Variants in PDZRN3 observed in about 807,000 individuals in gnomAD.
PDZRN3 encodes PDZ domain containing ring finger 3, also known as E3 ubiquitin-protein ligase PDZRN3.
PDZRN3 carries 38 observed loss-of-function variants against 85.7 expected under a neutral mutation model. The ratio of observed to expected loss-of-function variants is 0.44; its 90% confidence interval spans 0.34 to 0.58. PDZRN3 has a LOEUF of 0.58. PDZRN3 is among the 20% of genes least tolerant of loss of function. The pLI is 0.01. For synonymous variants in PDZRN3, 759 were observed against 638.0 expected, an observed-to-expected ratio of 1.19 and a Z score of -2.86; for missense variants, 1,629 against 1,506.4, an observed-to-expected ratio of 1.08 and a Z score of -1.35.
rs1701492768 is a variant in PDZRN3 at position 73,390,210 on chromosome 3, ACCCTT to A, written c.1354-337_1354-333del. Among the ~76,000 whole-genome samples the A allele has an allele frequency of 2.0e-5, 3 of 152,296 alleles. No individual in the cohort carries two copies. In the Middle Eastern group the frequency reaches 0.01, roughly 518 times the overall value. ...AATGATGTAGAACAGGTTAAAGGAT[ACCCTT>A]CATTATGTGGACTAGCAACTATACC... On this transcript the variant is annotated intron_variant, in intron 6 of 9. Coordinates refer to ENST00000263666, the MANE Select transcript of PDZRN3 (RefSeq NM_015009.3).
At chr3:73,497,286 G>A (rs1474623043) in intron 3 of PDZRN3, among the ~76,000 whole-genome samples, 1 of 152,040 alleles carries the variant, frequency 6.6e-6, no homozygotes, top group Non-Finnish European at 1.5e-5. Flanking sequence ...AGGTAAATGT[G>A]GAAACAGCTT....
At chr3:73,559,756 G>A (rs1484168320) in intron 3 of PDZRN3, among the ~76,000 whole-genome samples, 2 of 152,238 alleles carry the variant, frequency 1.3e-5, no homozygotes, top group African/African-American at 4.8e-5. Flanking sequence ...TAGAAGGATG[G>A]ATGGTGGTGT....
chr3:73,529,832 T>A (rs76853446), intron 3 of PDZRN3, among the ~76,000 whole-genome samples: 6,410 of 152,302 alleles, frequency 0.042, 446 homozygotes, highest in African/African-American at 0.15. Flanking sequence ...CATTAAATGC[T>A]CTATATTAGG....
chr3:73,546,088 G>C (rs6803267), intron 3 of PDZRN3, among the ~76,000 whole-genome samples: 117,941 of 152,038 alleles, frequency 0.78, 46,123 homozygotes, highest in African/African-American at 0.89. Flanking sequence ...TACTGTGTCC[G>C]CAGTATACAG....
At chr3:73,516,035 C>G (rs1044680450) in intron 3 of PDZRN3, among the ~76,000 whole-genome samples, 1 of 152,058 alleles carries the variant, frequency 6.6e-6, no homozygotes, top group African/African-American at 2.4e-5. Flanking sequence ...TCTAACTGAG[C>G]GTTTGGAGCT....
intron 3 of PDZRN3, among the ~76,000 whole-genome samples, chr3:73,539,142 C>A (rs904760775): frequency 2.0e-5 from 3 of 152,176 alleles, no homozygotes; most frequent in African/African-American, 7.2e-5. Flanking sequence ...TACCACCTCT[C>A]TACAAATATA....
chr3:73,586,452 A>G (rs145251156), intron 3 of PDZRN3, among the ~76,000 whole-genome samples: 1,668 of 152,344 alleles, frequency 0.011, 13 homozygotes, highest in Middle Eastern at 0.037. Context: ...GTCAGGCAAC[A>G]CACATTTACT....
At chr3:73,494,156 C>T (rs560512045) in intron 3 of PDZRN3, among the ~76,000 whole-genome samples, 8 of 152,272 alleles carry the variant, frequency 5.3e-5, no homozygotes, top group African/African-American at 1.9e-4. Flanking sequence ...AGAGTCCTGC[C>T]CGATAGAATC....
intron 3 of PDZRN3, among the ~76,000 whole-genome samples, chr3:73,497,412 ATTT>A (rs10575268): frequency 0.27 from 40,570 of 151,982 alleles, 7,606 homozygotes; most frequent in African/African-American, 0.54. Flanking sequence ...CTTTAAAAAA[ATTT>A]TTTTAACTTT....
chr3:73,619,173 C>A (rs1702813254), intron 1 of PDZRN3, among the ~76,000 whole-genome samples: 1 of 152,126 alleles, frequency 6.6e-6, no homozygotes, highest in African/African-American at 2.4e-5. Flanking sequence ...GAAACTCATT[C>A]TTTTTAAACA....
chr3:73,607,496 C>G (rs1702619092), intron 2 of PDZRN3, among the ~76,000 whole-genome samples: 1 of 152,158 alleles, frequency 6.6e-6, no homozygotes, highest in Non-Finnish European at 1.5e-5. Context: ...GCTATGCTCT[C>G]CCAACTCATC....
At chr3:73,485,216 A>C (rs1703641372) in intron 3 of PDZRN3, among the ~76,000 whole-genome samples, 1 of 151,908 alleles carries the variant, frequency 6.6e-6, no homozygotes, top group Non-Finnish European at 1.5e-5. Context: ...CATGATAGAC[A>C]CACATAGCCC....
intron 5 of PDZRN3, among the ~76,000 whole-genome samples, chr3:73,399,045 T>C (rs1302579282): frequency 6.6e-6 from 1 of 152,144 alleles, no homozygotes; most frequent in African/African-American, 2.4e-5. Context: ...TGAAACCATA[T>C]GCAAGCTCTC....
At chr3:73,431,479 T>C (rs1247146181) in intron 3 of PDZRN3, among the ~76,000 whole-genome samples, 2 of 152,182 alleles carry the variant, frequency 1.3e-5, no homozygotes, top group Non-Finnish European at 2.9e-5. Context: ...CACCGGACCT[T>C]CTGGAACTGT....
At chr3:73,490,700 T>C (rs1330833077) in intron 3 of PDZRN3, among the ~76,000 whole-genome samples, 1 of 152,216 alleles carries the variant, frequency 6.6e-6, no homozygotes, top group South Asian at 2.1e-4. Flanking sequence ...TATTCAGTCA[T>C]AGTCACATAA....
chr3:73,554,601 C>T (rs1376735113), intron 3 of PDZRN3, among the ~76,000 whole-genome samples: 1 of 152,158 alleles, frequency 6.6e-6, no homozygotes, highest in African/African-American at 2.4e-5. Flanking sequence ...GACTGTCACA[C>T]TGCAGTTTTC....
At position 73,388,012 on chromosome 3, in the gene PDZRN3, C is replaced by A; in HGVS notation, c.1474G>T (p.Glu492Ter). The A allele has an allele frequency of 6.6e-7, 1 of 1,521,324 alleles. No individual in the cohort carries two copies. Among genetic ancestry groups the A allele is most frequent in the Non-Finnish European group, 8.9e-7 (1 of 1,123,952 alleles). The allele number at this position is 1,521,324 out of a possible 1,614,324, so 94.2% of individuals were successfully genotyped here. The change falls in exon 8 of 10, where the codon GAA becomes TAA. Residue 492 changes from glutamate to a stop codon, truncating the protein, a stop_gained. Coordinates refer to ENST00000263666, the MANE Select transcript of PDZRN3 (RefSeq NM_015009.3). LOFTEE classifies it high-confidence loss of function. ...ATCAGCAATGAAAAGTTTTTATTTT[C>A]TTCACTGGTTAGAAGAGCCACAGCC... is the stretch of plus-strand genomic sequence containing the variant. Reference protein sequence around the residue: ...EEAVALLTSEENKNFSLLIAR... With the variant: ...EEAVALLTSE
intron 3 of PDZRN3, among the ~76,000 whole-genome samples, chr3:73,510,212 T>C (rs73838553): frequency 0.044 from 6,773 of 152,244 alleles, 471 homozygotes; most frequent in African/African-American, 0.15. Flanking sequence ...TCTGTCCATT[T>C]TTGTGTCACG....
intron 3 of PDZRN3, among the ~76,000 whole-genome samples, chr3:73,546,680 A>C (rs1234322630): frequency 6.6e-6 from 1 of 152,250 alleles, no homozygotes; most frequent in African/African-American, 2.4e-5. Flanking sequence ...TATTTCAAAA[A>C]TTCTGCTGAG....
Sources: allele counts gnomAD v4.1 joint callset (sites outside exome capture counted in the v4.1 genomes callset), GRCh38; gene constraint gnomAD v4.1.1; transcripts MANE v1.5; gene names NCBI Gene and HGNC (gene_info 2026-07-23, HGNC 2026-07-21).